SDHA: variants seen among roughly 807,000 people sequenced by gnomAD.
The protein encoded by SDHA is succinate dehydrogenase complex flavoprotein subunit A, also known as succinate dehydrogenase [ubiquinone] flavoprotein subunit, mitochondrial.
Under a neutral mutation model 78.4 loss-of-function variants are expected in SDHA, and 48 were observed. That is an observed-to-expected ratio of 0.61 (90% CI 0.49 to 0.78). The LOEUF (loss-of-function observed/expected upper bound fraction) is 0.78. Among genes scored for constraint, SDHA ranks in the 30% least tolerant of loss-of-function variants. The pLI is 0.00. For missense variants in SDHA, 680 were observed against 892.7 expected (o/e 0.76, Z 3.04); for synonymous variants, 326 against 353.9 (o/e 0.92, Z 0.88).
chr5:264,768 T>C, the SDHA span, among the ~76,000 whole-genome samples: 5 of 152,242 alleles, frequency 3.3e-5, no homozygotes, highest in African/African-American at 1.2e-4. Context: ...GCAGATTTAG[T>C]GAGCCATAGT....
chr5:220,424 A>C, intron 1 of SDHA: 1 of 311,422 alleles, frequency 3.2e-6, no homozygotes, highest in Non-Finnish European at 6.7e-6. Context: ...GATTGTTCTG[A>C]ATATGTTTAA....
intron 11 of SDHA, 122 bp downstream of exon 11, chr5:240,598 G>T: frequency 1.4e-6 from 1 of 732,334 alleles, no homozygotes. Flanking sequence ...GATGTACTGG[G>T]AGGTGGTGGA....
In SDHA at chr5:235,270, G is replaced by C. The variant is rs1035794713; in HGVS notation, c.1191G>C (p.Lys397Asn). ...AMIFAGVDVT[K>N]EPIPVLPTVH... ...TCTTCGCTGGCGTGGACGTCACGAA[G>C]GAGCCGATCCCTGTCCTCCCCACCG... The change falls in exon 9 of 15, where the codon AAG (lysine) becomes AAC (asparagine). Residue 397 changes from lysine to asparagine, a missense_variant. Transcript: ENST00000264932. 10 of 1,614,116 alleles carry C rather than the reference G, an allele frequency of 6.2e-6. No individual in the cohort carries two copies. Among genetic ancestry groups the C allele is most frequent in the Non-Finnish European group, 8.5e-6 (10 of 1,179,980 alleles).
the SDHA span, among the ~76,000 whole-genome samples, chr5:263,015 C>G: frequency 1.1e-4 from 17 of 152,282 alleles, no homozygotes; most frequent in Non-Finnish European, 1.8e-4. Flanking sequence ...TCTCGGCTCA[C>G]TGCAACCTCC....
rs1207914111 is a variant in SDHA, at chr5:225,963, G to A, written c.537G>A (p.Lys179=). The change falls in exon 5 of 15, where the codon AAG becomes AAA. Residue 179 remains lysine (K), a synonymous_variant. Coordinates refer to ENST00000264932, the MANE Select transcript of SDHA (RefSeq NM_004168.4). ...GTGCATTTGGTGGACAGAGCCTCAA[G>A]TTTGGAAAGGGCGGGCAGGCCCATC... ...YQRAFGGQSL[K]FGKGGQAHRC... is the part of the protein sequence containing the mutation. 12 of 1,614,152 alleles carry A rather than the reference G, an allele frequency of 7.4e-6. No homozygotes were observed. The highest frequency in any genetic ancestry group is 1.0e-5 in the Non-Finnish European group (12 of 1,180,034).
At chr5:226,714 G>T (rs1467280977) in intron 5 of SDHA, among the ~76,000 whole-genome samples, 1 of 151,942 alleles carries the variant, frequency 6.6e-6, no homozygotes, top group Non-Finnish European at 1.5e-5. Flanking sequence ...AGATCACAAG[G>T]TCAGGAGTTT....
At chr5:247,629 G>T (rs1736541402) in intron 11 of SDHA, among the ~76,000 whole-genome samples, 1 of 152,224 alleles carries the variant, frequency 6.6e-6, no homozygotes. Context: ...TTGGGAAATG[G>T]ATGTCACACA....
chr5:267,245 T>C, the SDHA span, among the ~76,000 whole-genome samples: 1 of 152,202 alleles, frequency 6.6e-6, no homozygotes, highest in Non-Finnish European at 1.5e-5. Context: ...CGGGAGAAAG[T>C]ATCATTGTCC....
chr5:244,988 G>A (rs957057496), intron 11 of SDHA, among the ~76,000 whole-genome samples: 5 of 152,184 alleles, frequency 3.3e-5, no homozygotes, highest in African/African-American at 1.2e-4. Context: ...CCAAGGTTTA[G>A]GATATTATTT....
Position 233,615 on chromosome 5 carries a change from G to T in SDHA, c.1034G>T (p.Arg345Leu). ...CTGGCGTCTAGAGATGTGGTGTCTCGGTCCATGACTCTGGAGATCCGAGAA... is the reference window on the plus strand; with the variant it reads ...CTGGCGTCTAGAGATGTGGTGTCTCTGTCCATGACTCTGGAGATCCGAGAA... ...KDLASRDVVS[R>L]SMTLEIREGR... Residue 345 changes from arginine to leucine, a missense_variant, in exon 8 of 15, where the codon CGG (arginine) becomes CTG (leucine). Coordinates refer to ENST00000264932, the MANE Select transcript of SDHA (RefSeq NM_004168.4). 2 of 1,614,108 alleles carry T rather than the reference G, an allele frequency of 1.2e-6. No individual in the cohort carries two copies. Among genetic ancestry groups the T allele is most frequent in the Non-Finnish European group, 1.7e-6 (2 of 1,179,978 alleles).
chr5:230,710 G>T (rs1735340279), intron 6 of SDHA, among the ~76,000 whole-genome samples, 166 bp from the exon 7 acceptor site: 1 of 152,150 alleles, frequency 6.6e-6, no homozygotes, highest in African/African-American at 2.4e-5. Context: ...AGCACCAGTG[G>T]CGCGGCCCCT....
At chr5:242,702 G>T (rs752430997) in intron 11 of SDHA, among the ~76,000 whole-genome samples, 1 of 152,156 alleles carries the variant, frequency 6.6e-6, no homozygotes, top group Non-Finnish European at 1.5e-5. Flanking sequence ...GGTCACCGGA[G>T]CGATGGAGAA....
At chr5:254,628 G>A (rs1737064039) in intron 14 of SDHA, 122 bp downstream of exon 14, 2 of 1,434,762 alleles carry the variant, frequency 1.4e-6, no homozygotes, top group African/African-American at 3.1e-5. Flanking sequence ...ACTCCCGACA[G>A]ATTCGAGGCA....
chr5:226,860 C>T (rs1483825146), intron 5 of SDHA, among the ~76,000 whole-genome samples: 2 of 128,326 alleles, frequency 1.6e-5, no homozygotes, highest in African/African-American at 3.0e-5. Flanking sequence ...ACCCAGGAGG[C>T]GGAACTTGCA....
chr5:233,436 C>G, intron 7 of SDHA, 41 bp from the exon 8 acceptor site: 2 of 1,600,366 alleles, frequency 1.2e-6, no homozygotes, highest in Non-Finnish European at 1.7e-6. Context: ...AAATAGAGAT[C>G]TAGCAATTGT....
rs2115272 is a variant in SDHA at position 228,247 on chromosome 5, T to C, written c.684T>C (p.Asn228=). 236,522 of 1,613,360 alleles carry C rather than the reference T, an allele frequency of 0.15. 24,105 individuals are homozygous for C. The highest frequency in any genetic ancestry group is 0.53 in the African/African-American group (39,865 of 74,866). ...TTGCCTTGGATCTCCTGATGGAGAATGGGGAGTGCCGTGGTGTCATCGCAC... is the reference window on the plus strand; with the variant it reads ...TTGCCTTGGATCTCCTGATGGAGAACGGGGAGTGCCGTGGTGTCATCGCAC... ...EYFALDLLME[N]GECRGVIALC... is the part of the protein sequence containing the mutation. The change falls in exon 6 of 15, where the codon AAT becomes AAC. Residue 228 remains asparagine, a synonymous_variant. Transcript: ENST00000264932.
At chr5:224,886 C>T (rs2126544753) in intron 3 of SDHA, 9 of 364,526 alleles carry the variant, frequency 2.5e-5, no homozygotes, top group South Asian at 2.2e-4. Context: ...TTTCATTTGT[C>T]CCTGTGCTTC....
the SDHA span, among the ~76,000 whole-genome samples, chr5:263,399 G>A: frequency 2.9e-3 from 446 of 152,240 alleles, 3 homozygotes; most frequent in Middle Eastern, 0.014. Flanking sequence ...GACTATTGGT[G>A]CACGCAGCAG....
rs180889444 is a variant in SDHA, at chr5:220,400, C to A, written c.63+1982C>A. 30 of 364,484 alleles carry A rather than the reference C, an allele frequency of 8.2e-5. No homozygotes were observed. In the East Asian group the frequency reaches 2.2e-3, roughly 26 times the overall value. The allele number at this position is 364,484 out of a possible 1,614,324, so 22.6% of individuals were successfully genotyped here. ...ATATTGTTCTAGGACAAATTGATTTCTTTTCTTTGAATGGATTGTTCTGAA... is the reference window on the plus strand; with the variant it reads ...ATATTGTTCTAGGACAAATTGATTTATTTTCTTTGAATGGATTGTTCTGAA... On this transcript the variant is annotated intron_variant, in intron 1 of 14. Coordinates refer to ENST00000264932, the MANE Select transcript of SDHA (RefSeq NM_004168.4).
Sources: gnomAD v4.1 joint callset for allele counts (sites outside exome capture counted in the v4.1 genomes callset) on GRCh38, gnomAD v4.1.1 for gene constraint, MANE v1.5 for transcripts, NCBI Gene and HGNC (gene_info 2026-07-23, HGNC 2026-07-21) for gene names.